The following BMPER variants were observed in gnomAD, a reference collection of about 807,000 sequenced individuals.
BMPER encodes the protein BMP-binding endothelial regulator protein.
BMPER carries 45 observed loss-of-function variants against 87.3 expected under a neutral mutation model. The observed-to-expected ratio is 0.52, with a 90% CI of 0.41 to 0.66. The LOEUF is 0.66. Among genes scored for constraint, BMPER ranks in the 30% least tolerant of loss-of-function variants. BMPER has a pLI of 0.00. For synonymous variants in BMPER, 326 were observed against 316.2 expected, an observed-to-expected ratio of 1.03 and a Z score of -0.33; for missense variants, 784 against 867.5, an observed-to-expected ratio of 0.90 and a Z score of 1.21.
chr7:33,998,023 C>G (rs1275048531), intron 6 of BMPER, among the ~76,000 whole-genome samples: 1 of 152,174 alleles, frequency 6.6e-6, no homozygotes, highest in African/African-American at 2.4e-5. Context: ...TCTTTCCCTG[C>G]CCTGGTAGAA....
intron 13 of BMPER, among the ~76,000 whole-genome samples, chr7:34,093,422 GA>G (rs571070840): frequency 4.4e-4 from 67 of 152,250 alleles, no homozygotes; most frequent in African/African-American, 1.5e-3. Flanking sequence ...CTAGATGTTG[GA>G]AATGTTATTG....
In BMPER at chr7:34,050,901, C is replaced by T. The variant is rs184288489; in HGVS notation, c.677-960C>T. 1.3e-3 allele frequency among the ~76,000 whole-genome samples: 200 copies of T among 152,294 alleles called. 1 individual carries two copies. Among genetic ancestry groups the T allele is most frequent in the African/African-American group, 4.5e-3 (189 of 41,570 alleles). On this transcript the variant is annotated intron_variant, in intron 7 of 14. Transcript: ENST00000649409. Reference sequence around the variant, plus strand: ...GCTGGACACTCGACATGTACCTCTGCGTGCCCTTTGAGTTAGCTTCACCCT... The same window carrying T: ...GCTGGACACTCGACATGTACCTCTGTGTGCCCTTTGAGTTAGCTTCACCCT...
At chr7:33,941,427 C>T (rs182939560) in intron 3 of BMPER, among the ~76,000 whole-genome samples, 6 of 151,590 alleles carry the variant, frequency 4.0e-5, no homozygotes, top group South Asian at 2.1e-4. Flanking sequence ...ATGATTCAAA[C>T]GTATTACATT....
At chr7:34,136,155 C>A (rs1357938536) in intron 13 of BMPER, among the ~76,000 whole-genome samples, 1 of 152,130 alleles carries the variant, frequency 6.6e-6, no homozygotes, top group Non-Finnish European at 1.5e-5. Flanking sequence ...GTGGACAGAG[C>A]AGCAGGAGCT....
At chr7:34,108,386 A>AC (rs1789878576) in intron 13 of BMPER, among the ~76,000 whole-genome samples, 1 of 152,198 alleles carries the variant, frequency 6.6e-6, no homozygotes, top group Admixed American at 6.5e-5. Flanking sequence ...TGTGAAGTCA[A>AC]CTCATTCCTG....
intron 14 of BMPER, among the ~76,000 whole-genome samples, chr7:34,148,817 G>T (rs188467976): frequency 1.3e-5 from 2 of 152,238 alleles, no homozygotes; most frequent in East Asian, 1.9e-4. Context: ...CAAAGAATGT[G>T]GTGGGAAAGA....
intron 13 of BMPER, among the ~76,000 whole-genome samples, chr7:34,115,715 A>G (rs191293808): frequency 1.7e-4 from 26 of 152,372 alleles, no homozygotes; most frequent in African/African-American, 5.3e-4. Flanking sequence ...TGGATGTACC[A>G]CATTTATTTA....
At chr7:34,018,475 C>A (rs1275199105) in intron 6 of BMPER, among the ~76,000 whole-genome samples, 1 of 151,942 alleles carries the variant, frequency 6.6e-6, no homozygotes, top group Non-Finnish European at 1.5e-5. Context: ...TTTAGAAAAG[C>A]TGTGCATGAA....
intron 4 of BMPER, among the ~76,000 whole-genome samples, chr7:33,970,041 C>T (rs920713459): frequency 1.3e-5 from 2 of 152,124 alleles, no homozygotes; most frequent in Non-Finnish European, 2.9e-5. Context: ...TACTTACTGA[C>T]AGCAAGAAGG....
At chr7:33,940,812 T>G (rs953715621) in intron 3 of BMPER, among the ~76,000 whole-genome samples, 1 of 145,734 alleles carries the variant, frequency 6.9e-6, no homozygotes, top group African/African-American at 2.5e-5. Flanking sequence ...TGTCTCAGGG[T>G]CAAAGAATTT....
chr7:33,999,056 T>C (rs978342196), intron 6 of BMPER, among the ~76,000 whole-genome samples: 3 of 152,240 alleles, frequency 2.0e-5, no homozygotes, highest in Non-Finnish European at 4.4e-5. Context: ...GCAATGACTA[T>C]AAAGAGATTT....
At chr7:34,023,668 TAA>T (rs1475318243) in intron 6 of BMPER, among the ~76,000 whole-genome samples, 1 of 152,052 alleles carries the variant, frequency 6.6e-6, no homozygotes, top group Non-Finnish European at 1.5e-5. Flanking sequence ...AGAGATTGGA[TAA>T]AGAGAAAGTA....
intron 6 of BMPER, among the ~76,000 whole-genome samples, chr7:34,039,686 T>G (rs1227774997): frequency 6.6e-6 from 1 of 151,902 alleles, no homozygotes; most frequent in Admixed American, 6.6e-5. Context: ...TATCCTACTA[T>G]AGTGTGTGTA....
At position 33,966,227 on chromosome 7, in the gene BMPER, A is replaced by G. The variant is rs143528951; in HGVS notation, c.320-252A>G. Among the ~76,000 whole-genome samples the G allele has an allele frequency of 5.4e-3, 816 of 152,270 alleles. 5 individuals carry two copies. Among genetic ancestry groups the G allele is most frequent in the African/African-American group, 0.019 (779 of 41,552 alleles). On this transcript the variant is annotated intron_variant, in intron 3 of 14. Coordinates refer to ENST00000649409, the MANE Select transcript of BMPER (RefSeq NM_001365308.1). ...ACATTTTGGCCATGAGAGTTCATCA[A>G]TCTATGGCTTTGCACTTGATAATAT...
chr7:33,948,778 G>A (rs1235290994), intron 3 of BMPER, among the ~76,000 whole-genome samples: 3 of 152,212 alleles, frequency 2.0e-5, no homozygotes, highest in Admixed American at 6.5e-5. Flanking sequence ...GGAACTGTAA[G>A]TGAATTAAAA....
chr7:33,933,717 T>A (rs79523739), intron 2 of BMPER, among the ~76,000 whole-genome samples: 1 of 152,118 alleles, frequency 6.6e-6, no homozygotes, highest in Non-Finnish European at 1.5e-5. Context: ...CTGCTTTCGT[T>A]AGAGAGTTCC....
chr7:34,076,935 G>T (rs772425554), intron 11 of BMPER, among the ~76,000 whole-genome samples: 3 of 152,122 alleles, frequency 2.0e-5, no homozygotes, highest in Non-Finnish European at 4.4e-5. Flanking sequence ...GCTCAAAAAC[G>T]TTGGTTGGTC....
chr7:34,055,826 GT>G (rs1347469917), intron 9 of BMPER, among the ~76,000 whole-genome samples: 3 of 152,202 alleles, frequency 2.0e-5, no homozygotes, highest in African/African-American at 7.2e-5. Flanking sequence ...TTGGCCATCT[GT>G]TACCAATCTC....
intron 11 of BMPER, among the ~76,000 whole-genome samples, chr7:34,076,402 A>G (rs574493795): frequency 6.6e-6 from 1 of 152,288 alleles, no homozygotes; most frequent in African/African-American, 2.4e-5. Context: ...ACTGTTTTCA[A>G]TTTTGGGGTG....
Sources: allele counts gnomAD v4.1 joint callset (sites outside exome capture counted in the v4.1 genomes callset), GRCh38; gene constraint gnomAD v4.1.1; transcripts MANE v1.5; gene names NCBI Gene and HGNC (gene_info 2026-07-23, HGNC 2026-07-21).